Variants in C1S observed in about 807,000 individuals in gnomAD.
C1S encodes complement C1s subcomponent.
In C1S, 31 loss-of-function variants were observed where a neutral mutation model predicts 54.0. The observed-to-expected ratio is 0.57, with a 90% confidence interval of 0.43 to 0.78. C1S has a LOEUF of 0.78. Among genes scored for constraint, C1S ranks in the 30% least tolerant of loss-of-function variants. C1S has a pLI of 0.00. For missense variants in C1S, 727 were observed against 851.8 expected (o/e 0.85, Z 1.82); for synonymous variants, 292 against 303.6 (o/e 0.96, Z 0.40).
chr12:7,062,812 TTC>T, intron 3 of C1S, 76 bp from the exon 4 acceptor site: 9 of 1,553,714 alleles, frequency 5.8e-6, no homozygotes, highest in East Asian at 2.2e-5. Context: ...AAATGTTCTA[TTC>T]TCTCTGTCCC....
chr12:7,070,657 A>C lies in C1S; in HGVS notation c.*6A>C, dbSNP rs781920867. On this transcript the variant is annotated 3_prime_UTR_variant, in exon 12 of 12. Transcript: ENST00000360817. The surrounding 1 kb of genome is among the most constrained non-coding windows in gnomAD (Gnocchi z 4.9). The stretch of plus-strand genomic sequence containing the variant: ...GCACCCCCCGTGAGGACTAATCCAG[A>C]TACATCCCACCAGCCTCTCCAAGGG... The C allele has an allele frequency of 3.3e-5, 54 of 1,612,040 alleles. No homozygotes were observed. In the South Asian group the frequency reaches 5.4e-4, roughly 16 times the overall value.
At chr12:7,067,141 G>A (rs782620950) in intron 9 of C1S, 24 bp downstream of exon 9, 5 of 1,429,516 alleles carry the variant, frequency 3.5e-6, no homozygotes, top group Non-Finnish European at 4.9e-6. Flanking sequence ...CAAAGTGGAA[G>A]TCTTTCTTTT....
chr12:7,064,363 T>C lies in C1S; in HGVS notation c.488T>C (p.Phe163Ser). ...GYFCSCPPEY[F>S]LHDDMKNCGV... is the part of the protein sequence containing the mutation. ...TTCTGCTCCTGCCCCCCGGAATATT[T>C]CCTCCATGATGACATGAAGAATTGC... The change falls in exon 5 of 12, where the codon TTC (phenylalanine) becomes TCC (serine). Residue 163 changes from phenylalanine (F) to serine (S), a missense_variant. This residue lies in a region of C1S where 357 missense variants were observed against 365.4 expected (regional missense o/e 0.98). Transcript: ENST00000360817. 6.2e-7 allele frequency: 1 copy of C among 1,614,112 alleles called. No individual in the cohort carries two copies. Among genetic ancestry groups the C allele is most frequent in the Non-Finnish European group, 8.5e-7 (1 of 1,180,028 alleles).
chr12:7,066,437 T>G, intron 7 of C1S, 81 bp from the exon 8 acceptor site: 1 of 829,208 alleles, frequency 1.2e-6, no homozygotes, highest in Non-Finnish European at 2.1e-6. Context: ...TTTTAGAAAG[T>G]GTGAGAATGA....
At chr12:7,068,834 G>A in intron 11 of C1S, 1 of 417,906 alleles carries the variant, frequency 2.4e-6, no homozygotes, top group Non-Finnish European at 4.4e-6. Context: ...CTGAGAGTGT[G>A]TGAGTAATCA....
rs1409968109 is a variant in C1S, at chr12:7,070,478, A to G, written c.1894A>G (p.Ser632Gly). The change falls in exon 12 of 12, where the codon AGT (serine) becomes GGT (glycine). Residue 632 changes from serine to glycine, a missense_variant. By Grantham distance (56) the Ser-to-Gly change is moderately conservative. Around this residue, in one of 3 missense-constraint regions of C1S, gnomAD observed 360 missense variants for 453.6 expected, o/e 0.79. Transcript: ENST00000360817. The surrounding 1 kb of genome is among the most constrained non-coding windows in gnomAD (Gnocchi z 4.9). Reference protein sequence around the residue: ...EKGMDSCKGDSGGAFAVQDPN... With the variant: ...EKGMDSCKGDGGGAFAVQDPN... ...GGGCATGGATAGCTGTAAAGGGGAC[A>G]GTGGTGGGGCCTTTGCTGTACAGGA... The G allele has an allele frequency of 6.2e-7, 1 of 1,614,120 alleles. No individual in the cohort carries two copies. The highest frequency in any genetic ancestry group is 8.5e-7 in the Non-Finnish European group (1 of 1,180,044).
chr12:7,067,445 A>T (rs1937699109), intron 9 of C1S, 198 bp from the exon 10 acceptor site: 5 of 735,130 alleles, frequency 6.8e-6, no homozygotes, highest in Non-Finnish European at 1.2e-5. Context: ...GGCCATCTGA[A>T]TTGGCATCTC....
rs781991781 is a variant in C1S, at chr12:7,062,582, A to C, written c.113A>C (p.Lys38Thr). Residue 38 changes from lysine (K) to threonine (T), a missense_variant, in exon 3 of 12, where the codon AAA (lysine) becomes ACA (threonine). Lys to Thr is a moderately conservative substitution (Grantham distance 78). Around this residue, in one of 3 missense-constraint regions of C1S, gnomAD observed 357 missense variants for 365.4 expected, o/e 0.98. Coordinates refer to ENST00000360817, the MANE Select transcript of C1S (RefSeq NM_001734.5). ...YPQAYPSEVE[K>T]SWDIEVPEGY... ...CAGGCATATCCCAGTGAGGTAGAGA[A>C]ATCTTGGGACATAGAAGTTCCTGAA... 2.5e-6 allele frequency: 4 copies of C among 1,614,012 alleles called. No homozygotes were observed. Among genetic ancestry groups the C allele is most frequent in the Non-Finnish European group, 3.4e-6 (4 of 1,179,888 alleles).
chr12:7,063,578 G>A (rs148953078), intron 4 of C1S, among the ~76,000 whole-genome samples: 28 of 152,254 alleles, frequency 1.8e-4, no homozygotes, highest in African/African-American at 6.7e-4. Context: ...CCAAACTATT[G>A]TTTAGATTTG....
chr12:7,064,321 A>G lies in C1S; in HGVS notation c.446A>G (p.Asn149Ser). The G allele has an allele frequency of 6.2e-7, 1 of 1,613,914 alleles. No homozygotes were observed. Among genetic ancestry groups the G allele is most frequent in the Non-Finnish European group, 8.5e-7 (1 of 1,179,916 alleles). ...VDVPCSHFCNNFIGGYFCSCP... is the reference protein window; with the variant it reads ...VDVPCSHFCNSFIGGYFCSCP... ...GTCCCTTGTAGCCACTTCTGCAACA[A>G]TTTCATTGGTGGTTACTTCTGCTCC... Residue 149 changes from asparagine (N) to serine (S), a missense_variant, in exon 5 of 12, where the codon AAT becomes AGT. Around this residue, in one of 3 missense-constraint regions of C1S, gnomAD observed 357 missense variants for 365.4 expected, o/e 0.98. Transcript: ENST00000360817.
Position 7,062,019 on chromosome 12 carries a change from C to G in C1S, c.5+102C>G, listed in dbSNP as rs952774957. The G allele has an allele frequency of 4.2e-6, 5 of 1,202,064 alleles. No individual in the cohort carries two copies. The African/African-American group carries it at 7.5e-5, about 18-fold the overall frequency. The allele number at this position is 1,202,064 out of a possible 1,614,324, so 74.5% of individuals were successfully genotyped here. A position where few individuals can be genotyped will look rare whatever the true frequency, so the allele number is the denominator to read the frequency against. On this transcript the variant is annotated intron_variant, in intron 2 of 11. Transcript: ENST00000360817. ...GCATGATGGCTCACACCTGTAACCC[C>G]AGCACTTTGGGAGGCTGAGGCGGGA...
chr12:7,063,370 T>C (rs1399914337), intron 4 of C1S: 2 of 494,658 alleles, frequency 4.0e-6, no homozygotes, highest in Non-Finnish European at 7.9e-6. Context: ...ATCGTCACTT[T>C]AATCCTTCAA....
rs781995208 is a variant in C1S at position 7,062,945 on chromosome 12, A to G, written c.269A>G (p.Asn90Ser). The G allele has an allele frequency of 6.4e-5, 103 of 1,614,098 alleles. 3 individuals are homozygous for G. The South Asian group carries it at 9.3e-4, about 15-fold the overall frequency. ...GRLCGQRSSN[N>S]PHSPIVEEFQ... ...CTCTGTGGACAGAGGAGCAGTAACA[A>G]TCCCCACTCTCCAATTGTGGAAGAG... The change falls in exon 4 of 12, where the codon AAT becomes AGT. Residue 90 changes from asparagine to serine, a missense_variant. By Grantham distance (46) the Asn-to-Ser change is conservative. Coordinates refer to ENST00000360817, the MANE Select transcript of C1S (RefSeq NM_001734.5).
chr12:7,061,970 T>A, intron 2 of C1S, 53 bp downstream of exon 2: 1 of 1,589,440 alleles, frequency 6.3e-7, no homozygotes. Context: ...CTTCATCTTC[T>A]CAAGAAAAGC....
chr12:7,064,035 T>TACACACACACACACACACACACACACAC (rs374863140), intron 4 of C1S: 1 of 565,454 alleles, frequency 1.8e-6, no homozygotes, highest in African/African-American at 1.9e-5. Context: ...CTATGTCACT[T>TACACACACACACACACACACACACACAC]ACACACACAC....
intron 4 of C1S, chr12:7,063,972 T>G: frequency 1.0e-5 from 5 of 494,896 alleles, no homozygotes; most frequent in Non-Finnish European, 2.0e-5. Context: ...ATGTGGAGGT[T>G]GCAGTGAGCC....
In C1S at chr12:7,068,520, A is replaced by G; in HGVS notation, c.1260A>G (p.Lys420=). Reference sequence around the variant, plus strand: ...AGGTGCTGGGCCCGGAGCTGCCGAAATGTGTTCCAGGTAAGGAGGGCTGAG... The same window carrying G: ...AGGTGCTGGGCCCGGAGCTGCCGAAGTGTGTTCCAGGTAAGGAGGGCTGAG... ...VNEVLGPELP[K]CVPVCGVPRE... is the part of the protein sequence containing the mutation. Residue 420 remains lysine, a synonymous_variant, in exon 11 of 12, where the codon AAA becomes AAG. Transcript: ENST00000360817. 1 of 1,613,016 alleles carries G rather than the reference A, an allele frequency of 6.2e-7. No individual in the cohort carries two copies. Among genetic ancestry groups the G allele is most frequent in the Non-Finnish European group, 8.5e-7 (1 of 1,179,042 alleles).
In C1S at chr12:7,067,588, C is replaced by T. The variant is rs781990909; in HGVS notation, c.1067-55C>T. 2.3e-4 allele frequency: 362 copies of T among 1,608,324 alleles called. 1 individual carries two copies. Among genetic ancestry groups the T allele is most frequent in the Non-Finnish European group, 2.7e-4 (322 of 1,176,812 alleles). ...TGAGGATGAACCTGGCCCCATGACT[C>T]TTCCTTGGAGGAAGTGGCTGTCCTG... On this transcript the variant is annotated intron_variant, in intron 9 of 11. Transcript: ENST00000360817.
Position 7,063,827 on chromosome 12 carries a change from C to T in C1S, c.392-440C>T, listed in dbSNP as rs145144468. The T allele has an allele frequency of 3.8e-4, 139 of 362,734 alleles. 1 individual carries two copies. The highest frequency in any genetic ancestry group is 2.8e-3 in the African/African-American group (130 of 47,032). The allele number at this position is 362,734 out of a possible 1,614,324, so 22.5% of individuals were successfully genotyped here. On this transcript the variant is annotated intron_variant, in intron 4 of 11. Transcript: ENST00000360817. The stretch of plus-strand genomic sequence containing the variant: ...ATTACCGGAGCCCAGGAGTTCAAGA[C>T]CAGCCTGGCCAACATGGTGAAACCC...
Sources: gnomAD v4.1 joint callset for allele counts (sites outside exome capture counted in the v4.1 genomes callset) on GRCh38, gnomAD v4.1.1 for gene constraint, gnomAD v4.1.1 regional missense constraint, Gnocchi (gnomAD v3.1) non-coding constraint, MANE v1.5 for transcripts, NCBI Gene and HGNC (gene_info 2026-07-23, HGNC 2026-07-21) for gene names.